The following RAB30 variants were observed in gnomAD, a reference collection of about 807,000 sequenced individuals.
RAB30 encodes ras-related protein Rab-30.
RAB30 carries 9 observed loss-of-function variants against 25.1 expected under a neutral mutation model. The ratio of observed to expected loss-of-function variants is 0.36; its 90% CI spans 0.22 to 0.63. RAB30 has a LOEUF of 0.63. RAB30 is among the 20% of genes least tolerant of loss of function. The pLI is 0.69. For synonymous variants in RAB30, 77 were observed against 86.4 expected, an observed-to-expected ratio of 0.89 and a Z score of 0.60; for missense variants, 140 against 243.5, an observed-to-expected ratio of 0.58 and a Z score of 2.83.
In RAB30 at chr11:83,041,723, A is replaced by G. The variant is rs148277694; in HGVS notation, c.-9+29968T>C. The stretch of plus-strand genomic sequence containing the variant: ...AAAAAAAAGTTTTTATAAACTTTTT[A>G]ACTTTAAAACTTTTTTTAAAAAGTT... On this transcript the variant is annotated intron_variant, in intron 1 of 4. Transcript: ENST00000527633. 755 of 153,356 alleles carry G rather than the reference A, an allele frequency of 4.9e-3. 3 individuals are homozygous for G. Among genetic ancestry groups the G allele is most frequent in the Non-Finnish European group, 7.4e-3 (501 of 68,064 alleles). The allele number at this position is 153,356 out of a possible 1,614,324, so 9.5% of individuals were successfully genotyped here.
intron 1 of RAB30, chr11:83,034,110 A>T (rs1590866787): frequency 6.6e-6 from 1 of 152,198 alleles, no homozygotes; most frequent in Non-Finnish European, 1.5e-5. Context: ...CTGCAGTTAT[A>T]AACGGAGGCC....
At chr11:83,050,598 G>C (rs1858336950) in intron 1 of RAB30, among the ~76,000 whole-genome samples, 1 of 152,224 alleles carries the variant, frequency 6.6e-6, no homozygotes, top group Non-Finnish European at 1.5e-5. Flanking sequence ...AACTAAATGA[G>C]CAGTGGTACC....
rs1322916473 is a variant in RAB30, at chr11:82,978,882, T to G, written c.*3283A>C. On this transcript the variant is annotated 3_prime_UTR_variant, in exon 5 of 5. Coordinates refer to ENST00000527633, the MANE Select transcript of RAB30 (RefSeq NM_001286060.2). The stretch of plus-strand genomic sequence containing the variant: ...TTCCTTATAAACTCTAAATCAGAAC[T>G]TGACACATTGTCAAATCAACCCATT... 1 of 152,200 alleles carries G rather than the reference T, an allele frequency of 6.6e-6. No homozygotes were observed. Among genetic ancestry groups the G allele is most frequent in the Non-Finnish European group, 1.5e-5 (1 of 68,038 alleles). 9.4% of individuals were successfully genotyped at this position (152,200 alleles called of 1,614,324 possible).
chr11:82,992,263 C>G (rs1318456153), intron 3 of RAB30: 1 of 455,832 alleles, frequency 2.2e-6, no homozygotes, highest in African/African-American at 2.0e-5. Flanking sequence ...TCTTCCCACC[C>G]CCCACACTAT....
intron 1 of RAB30, among the ~76,000 whole-genome samples, chr11:83,026,259 T>G (rs767318578): frequency 1.6e-4 from 25 of 152,120 alleles, no homozygotes; most frequent in Non-Finnish European, 3.4e-4. Flanking sequence ...TAGGGCTGAG[T>G]AGAATAGGAT....
At chr11:83,058,113 C>T (rs1371891885) in intron 1 of RAB30, among the ~76,000 whole-genome samples, 2 of 152,182 alleles carry the variant, frequency 1.3e-5, no homozygotes, top group Admixed American at 6.5e-5. Flanking sequence ...CTACTAATTA[C>T]CCTTCACCCA....
At chr11:83,049,077 GT>G (rs1233682881) in intron 1 of RAB30, among the ~76,000 whole-genome samples, 7 of 152,316 alleles carry the variant, frequency 4.6e-5, no homozygotes, top group Non-Finnish European at 1.5e-5. Context: ...ATATCGCCTT[GT>G]TTTGTAACTA....
intron 1 of RAB30, among the ~76,000 whole-genome samples, chr11:83,051,961 A>G (rs1182739365): frequency 1.3e-5 from 2 of 152,290 alleles, no homozygotes; most frequent in South Asian, 4.1e-4. Context: ...GTTTTCAAAG[A>G]TAAATATTCA....
At chr11:82,986,656 A>G (rs1205889052) in intron 4 of RAB30, among the ~76,000 whole-genome samples, 2 of 152,256 alleles carry the variant, frequency 1.3e-5, no homozygotes, top group Non-Finnish European at 1.5e-5. Context: ...ACAGCTGGAC[A>G]ACTACAGGGC....
chr11:83,056,133 T>C (rs1279414280), intron 1 of RAB30, among the ~76,000 whole-genome samples: 1 of 152,234 alleles, frequency 6.6e-6, no homozygotes, highest in Non-Finnish European at 1.5e-5. Flanking sequence ...TAGAACTTTT[T>C]CATCTTCTAA....
chr11:83,048,273 A>G (rs1011470684), intron 1 of RAB30, among the ~76,000 whole-genome samples: 1 of 152,120 alleles, frequency 6.6e-6, no homozygotes, highest in Non-Finnish European at 1.5e-5. Flanking sequence ...GAAGACCAGG[A>G]GTTCGAGACC....
chr11:83,020,806 T>G (rs1227612674), intron 1 of RAB30, among the ~76,000 whole-genome samples: 2 of 152,092 alleles, frequency 1.3e-5, no homozygotes, highest in Non-Finnish European at 2.9e-5. Flanking sequence ...TGCTGAGAGC[T>G]GCAGACAATG....
At chr11:83,001,217 T>C (rs1443809702) in intron 1 of RAB30, among the ~76,000 whole-genome samples, 1 of 152,110 alleles carries the variant, frequency 6.6e-6, no homozygotes. Flanking sequence ...TCTTTTGTTT[T>C]TGAGACAGGA....
chr11:83,001,454 C>T (rs1228191612), intron 1 of RAB30, among the ~76,000 whole-genome samples: 2 of 152,180 alleles, frequency 1.3e-5, no homozygotes, highest in African/African-American at 2.4e-5. Flanking sequence ...GCTGGGATTA[C>T]AGGCATGAGC....
intron 1 of RAB30, among the ~76,000 whole-genome samples, chr11:83,054,239 G>T (rs1197922849): frequency 6.6e-6 from 1 of 152,142 alleles, no homozygotes; most frequent in African/African-American, 2.4e-5. Flanking sequence ...CTATGCTCCA[G>T]TAGTTATCTC....
intron 1 of RAB30, among the ~76,000 whole-genome samples, chr11:83,014,662 G>GAAAGAAAGAAAGAAAGA (rs1857385932): frequency 6.9e-6 from 1 of 144,278 alleles, no homozygotes; most frequent in East Asian, 2.0e-4. Flanking sequence ...AAGAAAGAAA[G>GAAAGAAAGAAAGAAAGA]AAAGAAAGAA....
rs80341371 is a variant in RAB30, at chr11:82,997,094, G to A, written c.93+130C>T. ...AAAGCAGATGCAGCTTTCAAAGGGT[G>A]CATCAGGAACTCACAGCTAAGACCC... On this transcript the variant is annotated intron_variant, in intron 2 of 4. Coordinates refer to ENST00000527633, the MANE Select transcript of RAB30 (RefSeq NM_001286060.2). 2.2e-5 allele frequency: 16 copies of A among 724,620 alleles called. No individual in the cohort carries two copies. The Admixed American group carries it at 2.4e-4, about 11-fold the overall frequency. The allele number at this position is 724,620 out of a possible 1,614,324, so 44.9% of individuals were successfully genotyped here.
chr11:82,998,138 A>T (rs1231402482), intron 1 of RAB30, among the ~76,000 whole-genome samples: 1 of 152,148 alleles, frequency 6.6e-6, no homozygotes, highest in Non-Finnish European at 1.5e-5. Context: ...GTTTGTTCAA[A>T]TATCTGCCTC....
chr11:83,056,764 TCA>T (rs1221848963), intron 1 of RAB30, among the ~76,000 whole-genome samples: 1 of 152,202 alleles, frequency 6.6e-6, no homozygotes. Flanking sequence ...TTTCAGAGAT[TCA>T]GTTTTCTCAT....
Sources: gnomAD v4.1 joint callset for allele counts (sites outside exome capture counted in the v4.1 genomes callset) on GRCh38, gnomAD v4.1.1 for gene constraint, MANE v1.5 for transcripts, NCBI Gene and HGNC (gene_info 2026-07-23, HGNC 2026-07-21) for gene names.